Variants in ZSWIM5 observed in about 807,000 individuals in gnomAD.
ZSWIM5 encodes zinc finger SWIM domain-containing protein 5.
Under a neutral mutation model 119.6 loss-of-function variants are expected in ZSWIM5, and 55 were observed. That is an observed-to-expected ratio of 0.46 (90% CI 0.37 to 0.58). The LOEUF is 0.58. ZSWIM5 is among the 20% of genes least tolerant of loss of function. The pLI, the probability that ZSWIM5 is intolerant of heterozygous loss-of-function variation, is 0.00. For synonymous variants in ZSWIM5, 537 were observed against 606.9 expected, an observed-to-expected ratio of 0.88 and a Z score of 1.69; for missense variants, 1,193 against 1,512.8, an observed-to-expected ratio of 0.79 and a Z score of 3.51.
At chr1:45,114,620 C>T (rs1368929520) in intron 1 of ZSWIM5, among the ~76,000 whole-genome samples, 1 of 150,878 alleles carries the variant, frequency 6.6e-6, no homozygotes, top group East Asian at 1.9e-4. Flanking sequence ...AAGTCTTGCA[C>T]ACAGCATGTT....
chr1:45,096,265 A>G (rs1645400922), intron 1 of ZSWIM5, among the ~76,000 whole-genome samples: 2 of 152,098 alleles, frequency 1.3e-5, no homozygotes, highest in Non-Finnish European at 2.9e-5. Flanking sequence ...TTGGTAGTGT[A>G]CCACAGTTAA....
intron 1 of ZSWIM5, among the ~76,000 whole-genome samples, chr1:45,162,036 C>G (rs1019314747): frequency 3.3e-5 from 5 of 151,864 alleles, no homozygotes; most frequent in Non-Finnish European, 1.5e-5. Flanking sequence ...TATGTTCATT[C>G]TTTAATTTCA....
At chr1:45,060,008 T>A in intron 3 of ZSWIM5, 91 bp downstream of exon 3, 3 of 1,455,042 alleles carry the variant, frequency 2.1e-6, no homozygotes, top group Non-Finnish European at 2.8e-6. Flanking sequence ...GTGAGCTAGG[T>A]ATAATGCATG....
At chr1:45,100,320 A>G (rs1645431946) in intron 1 of ZSWIM5, among the ~76,000 whole-genome samples, 1 of 152,208 alleles carries the variant, frequency 6.6e-6, no homozygotes, top group Admixed American at 6.5e-5. Context: ...AGAATAAAAT[A>G]CCTAGGAATC....
At chr1:45,194,179 T>C (rs965116793) in intron 1 of ZSWIM5, among the ~76,000 whole-genome samples, 8 of 152,184 alleles carry the variant, frequency 5.3e-5, no homozygotes, top group Non-Finnish European at 1.0e-4. Flanking sequence ...CAAGCTGGCT[T>C]TTCCAGAATC....
At chr1:45,129,716 C>A (rs141382242) in intron 1 of ZSWIM5, among the ~76,000 whole-genome samples, 267 of 152,090 alleles carry the variant, frequency 1.8e-3, no homozygotes, top group African/African-American at 6.2e-3. Flanking sequence ...TAAATGTCCA[C>A]GGCAAAAAAT....
At chr1:45,037,510 G>A (rs1282352608) in intron 8 of ZSWIM5, among the ~76,000 whole-genome samples, 1 of 152,188 alleles carries the variant, frequency 6.6e-6, no homozygotes, top group Non-Finnish European at 1.5e-5. Flanking sequence ...GTCTGTTTTT[G>A]TTTCTGTCTC....
chr1:45,094,730 G>A (rs1645389476), intron 1 of ZSWIM5, among the ~76,000 whole-genome samples: 1 of 152,072 alleles, frequency 6.6e-6, no homozygotes, highest in Admixed American at 6.6e-5. Context: ...AGGCGTGGTG[G>A]TGCACGCCTA....
chr1:45,116,723 C>T (rs1346147527), intron 1 of ZSWIM5, among the ~76,000 whole-genome samples: 2 of 152,102 alleles, frequency 1.3e-5, no homozygotes, highest in African/African-American at 2.4e-5. Context: ...GACTACCTTC[C>T]AGTTTACTGT....
intron 1 of ZSWIM5, among the ~76,000 whole-genome samples, chr1:45,176,381 A>G (rs1645981543): frequency 6.6e-6 from 1 of 151,886 alleles, no homozygotes; most frequent in Non-Finnish European, 1.5e-5. Flanking sequence ...CTCCTGCCTC[A>G]GTCTCCTGAG....
intron 2 of ZSWIM5, among the ~76,000 whole-genome samples, chr1:45,067,920 G>A (rs1209809322): frequency 6.6e-6 from 1 of 151,898 alleles, no homozygotes; most frequent in Non-Finnish European, 1.5e-5. Context: ...TTTTCCTAAG[G>A]ACTAAAACTA....
intron 11 of ZSWIM5, among the ~76,000 whole-genome samples, chr1:45,026,300 G>A (rs1010887737): frequency 1.3e-5 from 2 of 152,110 alleles, no homozygotes; most frequent in Admixed American, 6.5e-5. Flanking sequence ...CTCCCAAAGT[G>A]CTAGGATTAC....
At chr1:45,161,060 G>A (rs1557784275) in intron 1 of ZSWIM5, among the ~76,000 whole-genome samples, 2 of 150,034 alleles carry the variant, frequency 1.3e-5, no homozygotes, top group African/African-American at 2.5e-5. Context: ...CTGACCTCAG[G>A]TGATCCTCCT....
At chr1:45,185,032 G>A (rs1646048313) in intron 1 of ZSWIM5, among the ~76,000 whole-genome samples, 2 of 151,074 alleles carry the variant, frequency 1.3e-5, no homozygotes, top group South Asian at 4.2e-4. Context: ...AAACAGAATG[G>A]TACTGGTACC....
rs1553204567 is a variant in ZSWIM5, at chr1:45,206,403, G to GGAGACCCTGGCCACGGCC, written c.-71_-54dup. 2.2e-6 allele frequency: 3 copies of GGAGACCCTGGCCACGGCC among 1,341,716 alleles called. No individual in the cohort carries two copies. Among genetic ancestry groups the GGAGACCCTGGCCACGGCC allele is most frequent in the Non-Finnish European group, 2.9e-6 (3 of 1,049,992 alleles). 83.1% of individuals were successfully genotyped at this position (1,341,716 alleles called of 1,614,324 possible). ...CGGCGGCGGCTGCTCGGGCTGCGGCGGAGACCCTGGCCACGGCCACGCGCC... is the reference window on the plus strand; with the variant it reads ...CGGCGGCGGCTGCTCGGGCTGCGGCGGAGACCCTGGCCACGGCCGAGACCCTGGCCACGGCCACGCGCC... On this transcript the variant is annotated 5_prime_UTR_variant, in exon 1 of 14. Transcript: ENST00000359600.
chr1:45,135,464 G>A (rs1645683534), intron 1 of ZSWIM5, among the ~76,000 whole-genome samples: 1 of 152,074 alleles, frequency 6.6e-6, no homozygotes, highest in African/African-American at 2.4e-5. Context: ...ATCTTCTAAT[G>A]GTTTAGCTTT....
intron 2 of ZSWIM5, among the ~76,000 whole-genome samples, chr1:45,069,403 A>G (rs959911511): frequency 2.6e-4 from 40 of 151,460 alleles, no homozygotes; most frequent in East Asian, 2.1e-3. Flanking sequence ...TCCAGCCTGG[A>G]CGACAGAGTG....
intron 1 of ZSWIM5, among the ~76,000 whole-genome samples, chr1:45,205,384 G>T (rs1007033650): frequency 6.6e-6 from 1 of 152,052 alleles, no homozygotes; most frequent in Non-Finnish European, 1.5e-5. Context: ...CTCTAAAACC[G>T]CTTGTTCCAG....
intron 1 of ZSWIM5, among the ~76,000 whole-genome samples, chr1:45,185,025 C>T (rs1406886972): frequency 1.3e-5 from 2 of 152,148 alleles, no homozygotes; most frequent in African/African-American, 2.4e-5. Context: ...GTAACCAAAA[C>T]AGAATGGTAC....
Sources: allele counts gnomAD v4.1 joint callset (sites outside exome capture counted in the v4.1 genomes callset), GRCh38; gene constraint gnomAD v4.1.1; transcripts MANE v1.5; gene names NCBI Gene and HGNC (gene_info 2026-07-23, HGNC 2026-07-21).